Variants in GRK5 observed in about 807,000 individuals in gnomAD.
The protein encoded by GRK5 is g protein-coupled receptor kinase GRK5.
Under a neutral mutation model 78.4 loss-of-function variants are expected in GRK5, and 40 were observed. The observed-to-expected ratio is 0.51, with a 90% CI of 0.40 to 0.66. GRK5 has a LOEUF of 0.66. GRK5 is among the 30% of genes least tolerant of loss of function. The probability of loss-of-function intolerance (pLI) is 0.00; values close to 1 mark genes in which losing one functional copy is unlikely to be tolerated. For missense variants in GRK5, 598 were observed against 759.9 expected (o/e 0.79, Z 2.50); for synonymous variants, 289 against 296.8 (o/e 0.97, Z 0.27).
intron 1 of GRK5, among the ~76,000 whole-genome samples, chr10:119,325,916 T>C (rs907380609): frequency 2.0e-5 from 3 of 152,238 alleles, no homozygotes; most frequent in African/African-American, 7.2e-5. Flanking sequence ...TCGTGTGCAC[T>C]GGGGAGGATG....
At chr10:119,428,413 G>A (rs1223070870) in intron 6 of GRK5, among the ~76,000 whole-genome samples, 2 of 152,350 alleles carry the variant, frequency 1.3e-5, no homozygotes, top group East Asian at 1.9e-4. Flanking sequence ...CCAGAGGGGG[G>A]CATGCCCTTT....
chr10:119,414,762 G>T (rs1852412702), intron 4 of GRK5, among the ~76,000 whole-genome samples: 1 of 152,114 alleles, frequency 6.6e-6, no homozygotes. Context: ...CCTAGGACCT[G>T]GCATATCATA....
chr10:119,450,249 C>G (rs949594227), intron 13 of GRK5, among the ~76,000 whole-genome samples: 34 of 152,150 alleles, frequency 2.2e-4, no homozygotes, highest in African/African-American at 8.2e-4. Flanking sequence ...GGGTGGCCAT[C>G]CTTGTGGCCT....
At chr10:119,237,243 A>G (rs1848950335) in intron 1 of GRK5, among the ~76,000 whole-genome samples, 1 of 151,872 alleles carries the variant, frequency 6.6e-6, no homozygotes, top group Non-Finnish European at 1.5e-5. Flanking sequence ...TTGTATTTTT[A>G]GTAGAAATGG....
chr10:119,437,398 GC>G (rs2133901821), intron 9 of GRK5, among the ~76,000 whole-genome samples: 1 of 152,294 alleles, frequency 6.6e-6, no homozygotes, highest in African/African-American at 2.4e-5. Flanking sequence ...AATGAGCAGT[GC>G]CCTTCAGATT....
chr10:119,273,582 T>G (rs1849620243), intron 1 of GRK5, among the ~76,000 whole-genome samples: 1 of 152,184 alleles, frequency 6.6e-6, no homozygotes, highest in African/African-American at 2.4e-5. Flanking sequence ...GCCACAAGTG[T>G]GGATGGGCCG....
intron 1 of GRK5, among the ~76,000 whole-genome samples, chr10:119,314,063 C>T (rs1183812506): frequency 6.6e-5 from 10 of 152,234 alleles, no homozygotes; most frequent in African/African-American, 2.2e-4. Context: ...TTTCTGGGGT[C>T]AGGAGAACTG....
intron 2 of GRK5, among the ~76,000 whole-genome samples, chr10:119,362,027 C>T (rs1402024051): frequency 1.3e-5 from 2 of 150,712 alleles, no homozygotes; most frequent in Non-Finnish European, 2.9e-5. Context: ...GAAGTGTGCT[C>T]ACCAGCTGCA....
At chr10:119,236,142 G>A (rs1268026829) in intron 1 of GRK5, among the ~76,000 whole-genome samples, 1 of 152,190 alleles carries the variant, frequency 6.6e-6, no homozygotes, top group Non-Finnish European at 1.5e-5. Flanking sequence ...TTGGGAGGCC[G>A]AGGCAGGCTG....
At chr10:119,373,552 C>T (rs988628903) in intron 2 of GRK5, among the ~76,000 whole-genome samples, 8 of 152,176 alleles carry the variant, frequency 5.3e-5, no homozygotes, top group East Asian at 1.9e-4. Context: ...TCCCCAGTCA[C>T]GTGGAACTGT....
At chr10:119,270,151 C>T (rs2133672279) in intron 1 of GRK5, among the ~76,000 whole-genome samples, 1 of 152,346 alleles carries the variant, frequency 6.6e-6, no homozygotes. Flanking sequence ...ACTAGCAGGG[C>T]TCCTTTGCAG....
chr10:119,415,660 G>A (rs1360174459), intron 4 of GRK5, among the ~76,000 whole-genome samples: 2 of 152,224 alleles, frequency 1.3e-5, no homozygotes, highest in Non-Finnish European at 2.9e-5. Flanking sequence ...ATTGCTAGAT[G>A]TGAGTGTTCC....
Position 119,452,176 on chromosome 10 carries a change from C to T in GRK5, c.1405-495C>T, listed in dbSNP as rs1364888363. ...TGGCCAGCACTGACAGCAGCCCCAT[C>T]GCCCAGGTGCCTCGTTGTCCCCATT... On this transcript the variant is annotated intron_variant, in intron 13 of 15. Coordinates refer to ENST00000392870, the MANE Select transcript of GRK5 (RefSeq NM_005308.3). This position sits in a 1 kb window ranked among gnomAD's most constrained non-coding sequence, Gnocchi z 4.4. Among the ~76,000 whole-genome samples, 4 of 152,362 alleles carry T rather than the reference C, an allele frequency of 2.6e-5. No individual in the cohort carries two copies. Among genetic ancestry groups the T allele is most frequent in the South Asian group, 2.1e-4 (1 of 4,832 alleles).
chr10:119,212,599 G>T (rs1848505815), intron 1 of GRK5, among the ~76,000 whole-genome samples: 1 of 152,098 alleles, frequency 6.6e-6, no homozygotes, highest in African/African-American at 2.4e-5. Context: ...CAGGACTGTG[G>T]GCAATATTCA....
chr10:119,380,969 G>A, intron 3 of GRK5, 42 bp downstream of exon 3: 1 of 1,222,230 alleles, frequency 8.2e-7, no homozygotes, highest in Non-Finnish European at 1.2e-6. Context: ...GGTCCTCTGT[G>A]ATCAGTGATT....
In GRK5 at chr10:119,423,114, C is replaced by T. The variant is rs570035523; in HGVS notation, c.340-52C>T. 2.0e-5 allele frequency: 25 copies of T among 1,262,404 alleles called. 1 individual carries two copies. The highest frequency in any genetic ancestry group is 7.1e-5 in the South Asian group (6 of 84,050). 78.2% of individuals were successfully genotyped at this position (1,262,404 alleles called of 1,614,324 possible). On this transcript the variant is annotated intron_variant, in intron 4 of 15. Coordinates refer to ENST00000392870, the MANE Select transcript of GRK5 (RefSeq NM_005308.3). The stretch of plus-strand genomic sequence containing the variant: ...CCCAACACCTGTGGGCAAACCCGGC[C>T]GCACTGCTGCTGGCTCCTCACTGAC...
chr10:119,375,623 G>C (rs1851610876), intron 2 of GRK5, among the ~76,000 whole-genome samples: 1 of 152,244 alleles, frequency 6.6e-6, no homozygotes. Flanking sequence ...GACTAAGCAA[G>C]TGTCTGGTAC....
intron 1 of GRK5, among the ~76,000 whole-genome samples, chr10:119,243,566 C>CTTTCT (rs751972415): frequency 4.3e-4 from 63 of 147,996 alleles, no homozygotes; most frequent in African/African-American, 8.3e-4. Context: ...CCCAGTTTTT[C>CTTTCT]TTTTTTTTTT....
At chr10:119,310,836 T>G (rs1035457589) in intron 1 of GRK5, among the ~76,000 whole-genome samples, 2 of 152,194 alleles carry the variant, frequency 1.3e-5, no homozygotes, top group African/African-American at 4.8e-5. Context: ...TTAAGCCAAT[T>G]GGGAAACTGT....
Sources: allele counts gnomAD v4.1 joint callset (sites outside exome capture counted in the v4.1 genomes callset), GRCh38; gene constraint gnomAD v4.1.1; non-coding constraint Gnocchi (gnomAD v3.1); transcripts MANE v1.5; gene names NCBI Gene and HGNC (gene_info 2026-07-23, HGNC 2026-07-21).